Variants in WDFY3 observed in about 807,000 individuals in gnomAD.
The protein encoded by WDFY3 is WD repeat and FYVE domain containing 3.
WDFY3 carries 66 observed loss-of-function variants against 409.6 expected under a neutral mutation model. The observed-to-expected ratio is 0.16, with a 90% CI of 0.13 to 0.20. The LOEUF is 0.20. WDFY3 is among the 10% of genes least tolerant of loss of function. The pLI is 1.00. For missense variants in WDFY3, 3,031 were observed against 4,298.1 expected (o/e 0.71, Z 8.24); for synonymous variants, 1,521 against 1,537.1 (o/e 0.99, Z 0.25).
chr4:84,779,574 G>C (rs941542352), intron 26 of WDFY3, among the ~76,000 whole-genome samples: 6 of 152,020 alleles, frequency 3.9e-5, no homozygotes, highest in Non-Finnish European at 8.8e-5. Flanking sequence ...CACCATGCCT[G>C]GCTAATTTTT....
chr4:84,702,701 T>C (rs1332401049), intron 55 of WDFY3, among the ~76,000 whole-genome samples, 195 bp from the exon 56 acceptor site: 1 of 152,212 alleles, frequency 6.6e-6, no homozygotes, highest in Non-Finnish European at 1.5e-5. Flanking sequence ...CAGAGGGTTC[T>C]CTCTGCATTT....
At chr4:84,742,296 A>C (rs1464128750) in intron 37 of WDFY3, among the ~76,000 whole-genome samples, 1 of 152,226 alleles carries the variant, frequency 6.6e-6, no homozygotes, top group Non-Finnish European at 1.5e-5. Context: ...AAAACTGTGA[A>C]ACAAAACTCT....
chr4:84,704,560 A>T (rs994280433), intron 54 of WDFY3, 116 bp from the exon 55 acceptor site: 1 of 697,600 alleles, frequency 1.4e-6, no homozygotes, highest in African/African-American at 1.8e-5. Context: ...CACTAAATGC[A>T]ATTAGTACTG....
At chr4:84,762,178 G>A (rs1578406433) in intron 32 of WDFY3, among the ~76,000 whole-genome samples, 2 of 151,502 alleles carry the variant, frequency 1.3e-5, no homozygotes, top group East Asian at 3.9e-4. Flanking sequence ...GTTTATTGCG[G>A]CACTATTCAC....
intron 3 of WDFY3, among the ~76,000 whole-genome samples, chr4:84,862,176 G>A (rs1304022806): frequency 6.6e-6 from 1 of 152,194 alleles, no homozygotes; most frequent in East Asian, 1.9e-4. Flanking sequence ...TTGACTACGG[G>A]CATATGCTGA....
intron 2 of WDFY3, among the ~76,000 whole-genome samples, chr4:84,925,427 A>G (rs981645840): frequency 1.3e-5 from 2 of 152,212 alleles, no homozygotes; most frequent in African/African-American, 4.8e-5. Flanking sequence ...GTGGATTTTT[A>G]CAAGAAAGTT....
intron 46 of WDFY3, 56 bp downstream of exon 46, chr4:84,724,370 C>T (rs1177580855): frequency 2.0e-6 from 3 of 1,537,310 alleles, no homozygotes; most frequent in Non-Finnish European, 2.6e-6. Flanking sequence ...TGTATGAATT[C>T]AAATACAAGA....
At chr4:84,937,477 C>T (rs970042794) in intron 1 of WDFY3, among the ~76,000 whole-genome samples, 4 of 152,204 alleles carry the variant, frequency 2.6e-5, no homozygotes, top group East Asian at 3.9e-4. Context: ...GACCACTTCT[C>T]GCCACTTGCA....
At position 84,803,399 on chromosome 4, in the gene WDFY3, T is replaced by G. The variant is rs201844310; in HGVS notation, c.2498A>C (p.His833Pro). The part of the protein sequence containing the change: ...PPKNVADLKL[H>P]VTTSSLQSSD... ...ACTCTGCAGAGATGAAGTTGTCACA[T>G]GTAGTTTCAGGTCGGCAACATTTTT... Residue 833 changes from histidine (H) to proline (P), a missense_variant, in exon 16 of 68, where the codon CAT becomes CCT. His to Pro is a moderately conservative substitution (Grantham distance 77). Coordinates refer to ENST00000295888, the MANE Select transcript of WDFY3 (RefSeq NM_014991.6). 5.0e-6 allele frequency: 8 copies of G among 1,613,994 alleles called. No homozygotes were observed. In the African/African-American group the frequency reaches 1.1e-4, roughly 22 times the overall value.
chr4:84,691,103 T>C (rs747536836), intron 60 of WDFY3, among the ~76,000 whole-genome samples: 2 of 152,228 alleles, frequency 1.3e-5, no homozygotes, highest in Non-Finnish European at 2.9e-5. Context: ...TCTTTTCGTC[T>C]TGCATTTGGG....
chr4:84,798,714 TTGC>T (rs1203566463), intron 17 of WDFY3, among the ~76,000 whole-genome samples: 1 of 152,208 alleles, frequency 6.6e-6, no homozygotes, highest in Non-Finnish European at 1.5e-5. Flanking sequence ...TCTCTCATTC[TTGC>T]TGCTATCACC....
intron 2 of WDFY3, among the ~76,000 whole-genome samples, chr4:84,923,565 C>T (rs1207384382): frequency 2.0e-5 from 3 of 152,098 alleles, no homozygotes; most frequent in Admixed American, 2.0e-4. Context: ...TTCTTGGGCC[C>T]AACTATTACC....
intron 19 of WDFY3, among the ~76,000 whole-genome samples, chr4:84,795,707 A>G (rs1749303383): frequency 6.6e-6 from 1 of 152,088 alleles, no homozygotes; most frequent in Non-Finnish European, 1.5e-5. Context: ...GGTTGCAGTG[A>G]GCCAAGATCG....
chr4:84,696,232 T>C (rs1470298557), intron 57 of WDFY3, 50 bp from the exon 58 acceptor site: 1 of 1,570,658 alleles, frequency 6.4e-7, no homozygotes, highest in Middle Eastern at 1.7e-4. Context: ...TATTACTTGC[T>C]CAGAGACTAG....
Position 84,906,788 on chromosome 4 carries a change from T to TA in WDFY3, c.-131-9779dup, listed in dbSNP as rs1428418066. ...ATTTTGTGATTTTTTTTTTTTTTTT[T>TA]AGCTCATCAGCCATCGTTAGTGCTG... On this transcript the variant is annotated intron_variant, in intron 2 of 67. Transcript: ENST00000295888. 4.3e-3 allele frequency among the ~76,000 whole-genome samples: 643 copies of TA among 150,780 alleles called. 4 individuals are homozygous for TA. The highest frequency in any genetic ancestry group is 0.015 in the African/African-American group (601 of 40,608).
chr4:84,825,577 C>T (rs1164443891), intron 10 of WDFY3, among the ~76,000 whole-genome samples: 1 of 151,960 alleles, frequency 6.6e-6, no homozygotes, highest in Non-Finnish European at 1.5e-5. Context: ...GGATTTCTCC[C>T]TATTTACTGC....
chr4:84,781,899 G>C (rs1369721268), intron 25 of WDFY3, among the ~76,000 whole-genome samples: 1 of 151,974 alleles, frequency 6.6e-6, no homozygotes, highest in Non-Finnish European at 1.5e-5. Flanking sequence ...CAATTCACTG[G>C]GACAATAAAA....
chr4:84,963,130 A>AC (rs199844990), intron 1 of WDFY3, among the ~76,000 whole-genome samples: 20 of 151,342 alleles, frequency 1.3e-4, no homozygotes, highest in Non-Finnish European at 2.5e-4. Flanking sequence ...AAAAAAACAA[A>AC]AAAAAAAAAA....
intron 21 of WDFY3, among the ~76,000 whole-genome samples, chr4:84,791,398 G>A (rs900521797): frequency 6.6e-6 from 1 of 152,136 alleles, no homozygotes; most frequent in African/African-American, 2.4e-5. Flanking sequence ...AGGGCTTGAG[G>A]GAGGGGCAAA....
Sources: allele counts gnomAD v4.1 joint callset (sites outside exome capture counted in the v4.1 genomes callset), GRCh38; gene constraint gnomAD v4.1.1; transcripts MANE v1.5; gene names NCBI Gene and HGNC (gene_info 2026-07-23, HGNC 2026-07-21).